Variants in SNTG1 observed in about 807,000 individuals in gnomAD.
SNTG1 encodes gamma-1-syntrophin.
In SNTG1, 39 loss-of-function variants were observed where a neutral mutation model predicts 74.7. That is an observed-to-expected ratio of 0.52 (90% CI 0.40 to 0.68). The LOEUF is 0.68. Among genes scored for constraint, SNTG1 ranks in the 30% least tolerant of loss-of-function variants. The probability of loss-of-function intolerance (pLI) is 0.00; values close to 1 mark genes in which losing one functional copy is unlikely to be tolerated. For missense variants in SNTG1, 685 were observed against 609.5 expected, an observed-to-expected ratio of 1.12 and a Z score of -1.30; for synonymous variants, 254 against 217.1, an observed-to-expected ratio of 1.17 and a Z score of -1.49.
chr8:49,920,995 T>C (rs185378824), intron 1 of SNTG1, among the ~76,000 whole-genome samples: 1 of 152,164 alleles, frequency 6.6e-6, no homozygotes, highest in East Asian at 1.9e-4. Flanking sequence ...AGATGTGATA[T>C]CTGACATGGG....
chr8:50,704,825 A>AT, intron 16 of SNTG1, 73 bp downstream of exon 16: 1 of 1,508,864 alleles, frequency 6.6e-7, no homozygotes, highest in South Asian at 1.2e-5. Flanking sequence ...TTCTAATATC[A>AT]TTCCAAAGTA....
At chr8:49,953,425 T>A (rs991352198) in intron 1 of SNTG1, among the ~76,000 whole-genome samples, 2 of 152,158 alleles carry the variant, frequency 1.3e-5, no homozygotes, top group African/African-American at 4.8e-5. Flanking sequence ...ATTGGCCATA[T>A]TTCCCTGGGA....
chr8:50,313,443 G>A (rs939656691), intron 2 of SNTG1, among the ~76,000 whole-genome samples: 3 of 149,594 alleles, frequency 2.0e-5, no homozygotes, highest in African/African-American at 7.5e-5. Flanking sequence ...TCAAAATATG[G>A]CAGGAATTCA....
At chr8:50,463,379 T>A (rs2093583652) in intron 8 of SNTG1, among the ~76,000 whole-genome samples, 1 of 152,212 alleles carries the variant, frequency 6.6e-6, no homozygotes, top group Non-Finnish European at 1.5e-5. Context: ...AGCTATCACC[T>A]TACGAAATGT....
intron 1 of SNTG1, among the ~76,000 whole-genome samples, chr8:50,032,977 G>A (rs1300238645): frequency 6.6e-6 from 1 of 151,338 alleles, no homozygotes; most frequent in Non-Finnish European, 1.5e-5. Context: ...TTCCTACATA[G>A]ACATTTTATT....
At chr8:50,442,112 T>A (rs1242823453) in intron 5 of SNTG1, among the ~76,000 whole-genome samples, 1 of 152,170 alleles carries the variant, frequency 6.6e-6, no homozygotes, top group Non-Finnish European at 1.5e-5. Flanking sequence ...CACTCTCGCA[T>A]CCCCATCTCC....
Position 50,704,601 on chromosome 8 carries a change from A to G in SNTG1, c.1040A>G (p.Asp347Gly). Residue 347 changes from aspartate (D) to glycine (G), a missense_variant and splice_region_variant, in exon 16 of 19, where the codon GAC (aspartate) becomes GGC (glycine). Asp to Gly is a moderately conservative substitution (Grantham distance 94). Transcript: ENST00000642720. Reference protein sequence around the residue: ...VYEIMCKILKDSDLLDRRKQC... With the variant: ...VYEIMCKILKGSDLLDRRKQC... ...TGTGTAACTCCAGGTTTTCACCAGGACAGTGACCTGCTGGACCGACGGAAA... is the reference window on the plus strand; with the variant it reads ...TGTGTAACTCCAGGTTTTCACCAGGGCAGTGACCTGCTGGACCGACGGAAA... The G allele has an allele frequency of 2.5e-6, 4 of 1,614,104 alleles. No individual in the cohort carries two copies. The African/African-American group carries it at 5.3e-5, about 22-fold the overall frequency.
At chr8:49,983,230 A>G (rs573157907) in intron 1 of SNTG1, among the ~76,000 whole-genome samples, 41 of 152,342 alleles carry the variant, frequency 2.7e-4, no homozygotes, top group Non-Finnish European at 5.3e-4. Context: ...GAAAAACATT[A>G]ACATAGGAAC....
intron 1 of SNTG1, among the ~76,000 whole-genome samples, chr8:50,099,599 A>C: frequency 6.6e-6 from 1 of 152,058 alleles, no homozygotes; most frequent in Middle Eastern, 3.2e-3. Flanking sequence ...TACTAGTTTG[A>C]ATTCCCTTCA....
rs1270746769 is a variant in SNTG1, at chr8:50,103,040, C to T, written c.-102-69521C>T. ...TTGGCTTAGGATTGACTTGGCGATG[C>T]GGGCTCTTTTTTGGTTCCATATGAA... On this transcript the variant is annotated intron_variant, in intron 1 of 18. Transcript: ENST00000642720. Among the ~76,000 whole-genome samples, 32 of 151,680 alleles carry T rather than the reference C, an allele frequency of 2.1e-4. No individual in the cohort carries two copies. In the East Asian group the frequency reaches 2.5e-3, roughly 12 times the overall value.
intron 8 of SNTG1, among the ~76,000 whole-genome samples, chr8:50,459,352 T>C: frequency 6.6e-6 from 1 of 152,196 alleles, no homozygotes; most frequent in South Asian, 2.1e-4. Flanking sequence ...ACTATTTGTA[T>C]TAGAATGGTT....
chr8:50,016,010 T>C (rs1337800280), intron 1 of SNTG1, among the ~76,000 whole-genome samples: 1 of 152,266 alleles, frequency 6.6e-6, no homozygotes, highest in African/African-American at 2.4e-5. Context: ...GAATGTCAGC[T>C]GCAGGCCTTG....
At chr8:50,557,366 T>C (rs1338494663) in intron 12 of SNTG1, among the ~76,000 whole-genome samples, 1 of 152,200 alleles carries the variant, frequency 6.6e-6, no homozygotes, top group East Asian at 1.9e-4. Context: ...ACTGTATTAG[T>C]TTCCTAAAAT....
At chr8:50,716,776 A>C (rs1374540273) in intron 17 of SNTG1, among the ~76,000 whole-genome samples, 1 of 149,986 alleles carries the variant, frequency 6.7e-6, no homozygotes, top group Non-Finnish European at 1.5e-5. Context: ...ACTGTCGCCC[A>C]GGCTGGAGTG....
chr8:50,365,449 AT>A lies in SNTG1; in HGVS notation c.-27-28762del, dbSNP rs766881167. On this transcript the variant is annotated intron_variant, in intron 2 of 18. Coordinates refer to ENST00000642720, the MANE Select transcript of SNTG1 (RefSeq NM_018967.5). ...TATGTTTATTTGAATTTGAATATAT[AT>A]ACATTGACTATATGTATTTATAAAC... 4.6e-5 allele frequency among the ~76,000 whole-genome samples: 7 copies of A among 152,238 alleles called. No homozygotes were observed. In the East Asian group the frequency reaches 1.4e-3, roughly 29 times the overall value.
At chr8:49,974,244 A>T (rs543013532) in intron 1 of SNTG1, among the ~76,000 whole-genome samples, 13 of 152,322 alleles carry the variant, frequency 8.5e-5, no homozygotes, top group African/African-American at 3.1e-4. Context: ...AATCTTTTCC[A>T]AATGGAGGCC....
intron 9 of SNTG1, among the ~76,000 whole-genome samples, chr8:50,528,912 C>G (rs2130294425): frequency 6.6e-6 from 1 of 150,558 alleles, no homozygotes; most frequent in Non-Finnish European, 1.5e-5. Context: ...TAATTTTTCC[C>G]AGTTTTATTT....
chr8:50,516,197 A>G (rs769635957), intron 9 of SNTG1, among the ~76,000 whole-genome samples: 1 of 152,220 alleles, frequency 6.6e-6, no homozygotes, highest in African/African-American at 2.4e-5. Flanking sequence ...GACTTGCAAC[A>G]TAGGGGCTTG....
intron 17 of SNTG1, among the ~76,000 whole-genome samples, chr8:50,745,182 A>G (rs7840544): frequency 0.15 from 22,447 of 151,960 alleles, 3,932 homozygotes; most frequent in African/African-American, 0.42. Flanking sequence ...AAAATGTATA[A>G]AATGCTTATA....
Sources: allele counts gnomAD v4.1 joint callset (sites outside exome capture counted in the v4.1 genomes callset), GRCh38; gene constraint gnomAD v4.1.1; transcripts MANE v1.5; gene names NCBI Gene and HGNC (gene_info 2026-07-23, HGNC 2026-07-21).